Variants in SEL1L2 observed in about 807,000 individuals in gnomAD.
SEL1L2 encodes SEL1L2 adaptor subunit of SYVN1 ubiquitin ligase, also known as protein sel-1 homolog 2.
SEL1L2 carries 89 observed loss-of-function variants against 98.8 expected under a neutral mutation model. The ratio of observed to expected loss-of-function variants is 0.90; its 90% CI spans 0.76 to 1.07. The LOEUF is 1.07. Ranked by LOEUF, SEL1L2 falls within the 50% of genes least tolerant of loss-of-function variation. SEL1L2 has a pLI of 0.00. For missense variants in SEL1L2, 788 were observed against 812.0 expected (o/e 0.97, Z 0.36); for synonymous variants, 262 against 278.5 (o/e 0.94, Z 0.59).
Position 13,917,800 on chromosome 20 carries a change from T to A in SEL1L2, c.386+1221A>T, listed in dbSNP as rs1311341091. On this transcript the variant is annotated intron_variant, in intron 4 of 19. Coordinates refer to ENST00000284951, the MANE Select transcript of SEL1L2 (RefSeq NM_025229.2). ...TTTCTTTCTTTCTTTTTTTTTTTTT[T>A]TTTTTTTTTTTTTTTGAGATGGAGT... Among the ~76,000 whole-genome samples, 3 of 125,324 alleles carry A rather than the reference T, an allele frequency of 2.4e-5. No homozygotes were observed. In the East Asian group the frequency reaches 6.6e-4, roughly 28 times the overall value. The allele number at this position is 125,324 out of a possible 152,430, so 82.2% of individuals were successfully genotyped here.
At chr20:13,905,375 GTGA>G (rs1167495944) in intron 5 of SEL1L2, among the ~76,000 whole-genome samples, 9 of 148,510 alleles carry the variant, frequency 6.1e-5, no homozygotes, top group African/African-American at 1.7e-4. Context: ...GTGCAGTGGC[GTGA>G]TCTCAGCTCA....
At chr20:13,974,162 C>T (rs1725482253) in intron 1 of SEL1L2, among the ~76,000 whole-genome samples, 1 of 152,142 alleles carries the variant, frequency 6.6e-6, no homozygotes, top group South Asian at 2.1e-4. Flanking sequence ...GGGCTGGGGC[C>T]AGGATGGGGC....
intron 2 of SEL1L2, among the ~76,000 whole-genome samples, chr20:13,932,784 T>C (rs1046782002): frequency 1.4e-4 from 21 of 152,156 alleles, no homozygotes; most frequent in Non-Finnish European, 2.6e-4. Context: ...TTTGCTTTTT[T>C]TTCCTTTTCT....
At chr20:13,896,855 G>A (rs1227794839) in intron 5 of SEL1L2, among the ~76,000 whole-genome samples, 3 of 152,130 alleles carry the variant, frequency 2.0e-5, no homozygotes, top group Non-Finnish European at 4.4e-5. Context: ...CAGATTTAAT[G>A]CAATCCCTAT....
At position 13,859,655 on chromosome 20, in the gene SEL1L2, G is replaced by A. The variant is rs79814972; in HGVS notation, c.1646-221C>T. 4.3e-3 allele frequency among the ~76,000 whole-genome samples: 657 copies of A among 152,286 alleles called. 2 individuals are homozygous for A. The highest frequency in any genetic ancestry group is 0.014 in the African/African-American group (580 of 41,564). On this transcript the variant is annotated intron_variant, in intron 17 of 19. Transcript: ENST00000284951. ...CAATGCTAACTGTTTTCATTATAGC[G>A]TAACATCCATGGTATAGTATGCATG...
At chr20:13,853,016 C>T (rs1041094483) in intron 18 of SEL1L2, among the ~76,000 whole-genome samples, 3 of 152,132 alleles carry the variant, frequency 2.0e-5, no homozygotes, top group Non-Finnish European at 4.4e-5. Context: ...CCCACAATCT[C>T]ACTGTACAGA....
At chr20:13,960,788 G>A (rs764286971) in intron 1 of SEL1L2, among the ~76,000 whole-genome samples, 9 of 152,008 alleles carry the variant, frequency 5.9e-5, no homozygotes, top group Non-Finnish European at 1.0e-4. Context: ...ACAATCTACC[G>A]GGTACAGGAA....
intron 5 of SEL1L2, among the ~76,000 whole-genome samples, chr20:13,912,810 T>G (rs1340597703): frequency 6.6e-6 from 1 of 152,208 alleles, no homozygotes; most frequent in Admixed American, 6.5e-5. Flanking sequence ...CCCCATCTGG[T>G]ATTTATAGTT....
At chr20:13,955,933 T>C in intron 2 of SEL1L2, 143 bp downstream of exon 2, 2 of 585,346 alleles carry the variant, frequency 3.4e-6, no homozygotes, top group Non-Finnish European at 5.9e-6. Flanking sequence ...AGCAAATGTT[T>C]GTTGAATGAA....
chr20:13,865,116 T>C, intron 17 of SEL1L2, 51 bp downstream of exon 17: 1 of 1,433,440 alleles, frequency 7.0e-7, no homozygotes, highest in Non-Finnish European at 9.7e-7. Context: ...ACGTGATGAA[T>C]AACAGAGGAC....
chr20:13,994,589 G>C (rs2052598752), upstream of SEL1L2, among the ~76,000 whole-genome samples: 1 of 152,138 alleles, frequency 6.6e-6, no homozygotes, highest in African/African-American at 2.4e-5. Flanking sequence ...AATTTGGGGG[G>C]AGGGTACCAA....
At chr20:13,990,617 G>T, upstream of SEL1L2, 1 of 1,045,230 alleles carries the variant, frequency 9.6e-7, no homozygotes, top group South Asian at 1.3e-5. Flanking sequence ...CAGGGACTGT[G>T]GTGGGGGCAG....
intron 1 of SEL1L2, among the ~76,000 whole-genome samples, chr20:13,975,647 T>G (rs1404515520): frequency 6.6e-6 from 1 of 152,244 alleles, no homozygotes; most frequent in African/African-American, 2.4e-5. Context: ...CTATTTAATT[T>G]TATAAGTGCT....
In SEL1L2 at chr20:13,859,272, C is replaced by T. The variant is rs897128961; in HGVS notation, c.1808G>A (p.Gly603Asp). The T allele has an allele frequency of 2.5e-6, 4 of 1,614,056 alleles. No individual in the cohort carries two copies. The highest frequency in any genetic ancestry group is 2.7e-5 in the African/African-American group (2 of 75,060). ...TACCAGCAAAATTACCTTTGTGATGCCTAAGCCGTGTTCATACATATAAGC... is the reference window on the plus strand; with the variant it reads ...TACCAGCAAAATTACCTTTGTGATGTCTAAGCCGTGTTCATACATATAAGC... ...NLAYMYEHGLGITKDIHLARR... is the reference protein window; with the variant it reads ...NLAYMYEHGLDITKDIHLARR... The change falls in exon 18 of 20, where the codon GGC becomes GAC. Residue 603 changes from glycine to aspartate, a missense_variant. Physicochemically the swap from Gly to Asp is moderately conservative, Grantham distance 94. Coordinates refer to ENST00000284951, the MANE Select transcript of SEL1L2 (RefSeq NM_025229.2).
Position 13,969,561 on chromosome 20 carries a change from A to G in SEL1L2, c.59-13430T>C, listed in dbSNP as rs1053431079. 3.9e-5 allele frequency among the ~76,000 whole-genome samples: 6 copies of G among 152,280 alleles called. No individual in the cohort carries two copies. In the East Asian group the frequency reaches 5.8e-4, roughly 15 times the overall value. On this transcript the variant is annotated intron_variant, in intron 1 of 19. Coordinates refer to ENST00000284951, the MANE Select transcript of SEL1L2 (RefSeq NM_025229.2). Reference sequence around the variant, plus strand: ...TCTATCTGACAATTTAAGCCTTTGAATAATCCAATCTTATTTTTCTTAGCC... The same window carrying G: ...TCTATCTGACAATTTAAGCCTTTGAGTAATCCAATCTTATTTTTCTTAGCC...
chr20:13,960,932 C>T lies in SEL1L2; in HGVS notation c.59-4801G>A, dbSNP rs181453016. On this transcript the variant is annotated intron_variant, in intron 1 of 19. Coordinates refer to ENST00000284951, the MANE Select transcript of SEL1L2 (RefSeq NM_025229.2). ...ATGAATAAATAAATATATATAATAGCGTACACCATCAAAAATGTCTGATGT... is the reference window on the plus strand; with the variant it reads ...ATGAATAAATAAATATATATAATAGTGTACACCATCAAAAATGTCTGATGT... Among the ~76,000 whole-genome samples, 573 of 152,220 alleles carry T rather than the reference C, an allele frequency of 3.8e-3. 3 individuals carry two copies. Among genetic ancestry groups the T allele is most frequent in the Non-Finnish European group, 6.9e-3 (466 of 68,024 alleles).
chr20:13,875,079 C>T (rs937439923), intron 12 of SEL1L2, among the ~76,000 whole-genome samples: 1 of 152,150 alleles, frequency 6.6e-6, no homozygotes, highest in African/African-American at 2.4e-5. Flanking sequence ...CCATTTCGAT[C>T]GTCCCTCATA....
chr20:13,886,510 A>G (rs2046962413), intron 8 of SEL1L2, 68 bp from the exon 9 acceptor site: 6 of 1,271,032 alleles, frequency 4.7e-6, no homozygotes, highest in Non-Finnish European at 6.7e-6. Flanking sequence ...GTCAATTTAG[A>G]GAAAACACCG....
chr20:13,887,804 A>G lies in SEL1L2; in HGVS notation c.710T>C (p.Val237Ala). 6.2e-7 allele frequency: 1 copy of G among 1,613,254 alleles called. No individual in the cohort carries two copies. The highest frequency in any genetic ancestry group is 2.2e-5 in the East Asian group (1 of 44,802). Reference sequence around the variant, plus strand: ...CACTTTCTTGTAATAACTTAGGGCAACTTCACAATTCTGTAGAACATTGAT... The same window carrying G: ...CACTTTCTTGTAATAACTTAGGGCAGCTTCACAATTCTGTAGAACATTGAT... Reference protein sequence around the residue: ...SGINVLQNCEVALSYYKKVAD... With the variant: ...SGINVLQNCEAALSYYKKVAD... The change falls in exon 8 of 20, where the codon GTT becomes GCT. Residue 237 changes from valine to alanine, a missense_variant. Physicochemically the swap from Val to Ala is moderately conservative, Grantham distance 64. Transcript: ENST00000284951.
Sources: gnomAD v4.1 joint callset for allele counts (sites outside exome capture counted in the v4.1 genomes callset) on GRCh38, gnomAD v4.1.1 for gene constraint, MANE v1.5 for transcripts, NCBI Gene and HGNC (gene_info 2026-07-23, HGNC 2026-07-21) for gene names.